Variants in NALF1 observed in about 807,000 individuals in gnomAD.
NALF1 encodes family with sequence similarity 155 member A.
A neutral mutation model predicts 48.4 loss-of-function variants in NALF1; 3 were observed. That is an observed-to-expected ratio of 0.06 (90% CI 0.03 to 0.16). The LOEUF (loss-of-function observed/expected upper bound fraction) is 0.16, where lower values mean the gene tolerates loss of function less well. Among genes scored for constraint, NALF1 ranks in the 10% least tolerant of loss-of-function variants. The pLI is 1.00. For synonymous variants in NALF1, 262 were observed against 245.7 expected (o/e 1.07, Z -0.62); for missense variants, 526 against 571.5 (o/e 0.92, Z 0.81).
intron 1 of NALF1, among the ~76,000 whole-genome samples, chr13:107,863,526 G>C (rs1213815719): frequency 1.3e-5 from 2 of 152,148 alleles, no homozygotes; most frequent in Non-Finnish European, 2.9e-5. Flanking sequence ...ATAAACGTCT[G>C]CACGACATAA....
intron 1 of NALF1, among the ~76,000 whole-genome samples, chr13:107,816,009 G>GA (rs1251051714): frequency 6.6e-6 from 1 of 152,140 alleles, no homozygotes; most frequent in African/African-American, 2.4e-5. Flanking sequence ...GCTGCTAATA[G>GA]ATATCAGGCT....
At chr13:107,721,926 C>T (rs1322914760) in intron 1 of NALF1, among the ~76,000 whole-genome samples, 1 of 152,180 alleles carries the variant, frequency 6.6e-6, no homozygotes, top group African/African-American at 2.4e-5. Flanking sequence ...TTTTGGCGTG[C>T]TCTGTTTATT....
intron 1 of NALF1, among the ~76,000 whole-genome samples, chr13:107,310,674 A>T (rs990380218): frequency 6.6e-6 from 1 of 151,106 alleles, no homozygotes; most frequent in Admixed American, 6.6e-5. Context: ...ACAATTATTT[A>T]TTATTATTAT....
intron 1 of NALF1, among the ~76,000 whole-genome samples, chr13:107,628,535 C>G (rs1257489781): frequency 6.6e-6 from 1 of 152,080 alleles, no homozygotes. Context: ...GATACTGTAC[C>G]CATTACTTCT....
intron 1 of NALF1, among the ~76,000 whole-genome samples, chr13:107,769,640 T>C (rs1594254782): frequency 1.3e-5 from 2 of 150,948 alleles, no homozygotes; most frequent in East Asian, 2.0e-4. Context: ...TGTATACATA[T>C]GTAACTAACC....
chr13:107,487,967 C>T (rs1230476146), intron 1 of NALF1, among the ~76,000 whole-genome samples: 1 of 151,572 alleles, frequency 6.6e-6, no homozygotes, highest in African/African-American at 2.4e-5. Flanking sequence ...TTGGTCTGTC[C>T]AGGGTTTTAA....
intron 1 of NALF1, among the ~76,000 whole-genome samples, chr13:107,390,877 T>TTAATAATAATAA (rs71121527): frequency 0.073 from 10,802 of 147,156 alleles, 442 homozygotes; most frequent in African/African-American, 0.094. Context: ...AGCCAGAAGG[T>TTAATAATAATAA]TAATAATAAT....
chr13:107,497,709 T>C (rs1875386236), intron 1 of NALF1, among the ~76,000 whole-genome samples: 1 of 152,240 alleles, frequency 6.6e-6, no homozygotes. Context: ...ACATTATAGA[T>C]ACGTGTGTGT....
chr13:107,866,543 C>A lies in NALF1; in HGVS notation c.54G>T (p.Trp18Cys). The stretch of plus-strand genomic sequence containing the variant: ...TCTCGTTCTCTCGGGGTGCTGCCAA[C>A]CAGATTTTTAAGCCGTCGTCATACT... ...CRQYDDGLKI[W>C]LAAPRENEKP... Residue 18 changes from tryptophan to cysteine, a missense_variant, in exon 1 of 3, where the codon TGG becomes TGT. This residue lies in a region of NALF1 where 373 missense variants were observed against 355.5 expected (regional missense o/e 1.05). Coordinates refer to ENST00000375915, the MANE Select transcript of NALF1 (RefSeq NM_001080396.3). The surrounding 1 kb of genome is among the most constrained non-coding windows in gnomAD (Gnocchi z 4.4). 6.2e-7 allele frequency: 1 copy of A among 1,613,292 alleles called. No individual in the cohort carries two copies. Among genetic ancestry groups the A allele is most frequent in the Non-Finnish European group, 8.5e-7 (1 of 1,179,996 alleles).
chr13:107,533,391 A>G (rs549527729), intron 1 of NALF1, among the ~76,000 whole-genome samples: 44 of 152,222 alleles, frequency 2.9e-4, no homozygotes, highest in African/African-American at 1.0e-3. Context: ...CTCCTTCACC[A>G]TAAATGGATA....
intron 1 of NALF1, among the ~76,000 whole-genome samples, chr13:107,569,567 T>A (rs979252669): frequency 6.6e-6 from 1 of 152,238 alleles, no homozygotes; most frequent in Non-Finnish European, 1.5e-5. Context: ...GATCTATTTC[T>A]GGATTCTTTA....
At chr13:107,609,047 C>G (rs4572251) in intron 1 of NALF1, among the ~76,000 whole-genome samples, 13,658 of 152,132 alleles carry the variant, frequency 0.09, 1,044 homozygotes, top group East Asian at 0.21. Context: ...GTGTACAAGA[C>G]ACTTTGGGAG....
intron 1 of NALF1, among the ~76,000 whole-genome samples, chr13:107,339,462 G>A (rs1323658566): frequency 6.6e-6 from 1 of 152,038 alleles, no homozygotes; most frequent in Non-Finnish European, 1.5e-5. Context: ...TTGTTGGTCT[G>A]AGATAGGGGC....
At chr13:107,640,127 G>T (rs1880109599) in intron 1 of NALF1, among the ~76,000 whole-genome samples, 1 of 151,842 alleles carries the variant, frequency 6.6e-6, no homozygotes, top group African/African-American at 2.4e-5. Context: ...TGAGTGAAAA[G>T]GAAATCATTT....
chr13:107,241,142 C>T (rs574581789), intron 1 of NALF1, among the ~76,000 whole-genome samples: 7 of 151,430 alleles, frequency 4.6e-5, no homozygotes, highest in Non-Finnish European at 8.8e-5. Flanking sequence ...TGCAGTGAGC[C>T]GAGATTGCAC....
At chr13:107,826,705 G>C (rs1325940856) in intron 1 of NALF1, among the ~76,000 whole-genome samples, 3 of 152,184 alleles carry the variant, frequency 2.0e-5, no homozygotes, top group Admixed American at 6.5e-5. Context: ...AACTCACAAA[G>C]AGAACTTTTC....
chr13:107,735,836 T>G (rs1450669685), intron 1 of NALF1, among the ~76,000 whole-genome samples: 1 of 152,194 alleles, frequency 6.6e-6, no homozygotes, highest in African/African-American at 2.4e-5. Context: ...GGCTTTGGCC[T>G]GCAAATTACA....
intron 1 of NALF1, among the ~76,000 whole-genome samples, chr13:107,334,302 T>C (rs905437383): frequency 6.6e-6 from 1 of 152,192 alleles, no homozygotes; most frequent in African/African-American, 2.4e-5. Flanking sequence ...GTGAATCTGA[T>C]CATCTGATTT....
intron 1 of NALF1, among the ~76,000 whole-genome samples, chr13:107,840,126 C>T (rs1432761325): frequency 6.6e-6 from 1 of 152,166 alleles, no homozygotes; most frequent in Non-Finnish European, 1.5e-5. Flanking sequence ...TTCACGCATT[C>T]AATCACTCAT....
Sources: gnomAD v4.1 joint callset for allele counts (sites outside exome capture counted in the v4.1 genomes callset) on GRCh38, gnomAD v4.1.1 for gene constraint, gnomAD v4.1.1 regional missense constraint, Gnocchi (gnomAD v3.1) non-coding constraint, MANE v1.5 for transcripts, NCBI Gene and HGNC (gene_info 2026-07-23, HGNC 2026-07-21) for gene names.